The following WTAP variants were observed in gnomAD, a reference collection of about 807,000 sequenced individuals.
WTAP encodes WT1 associated protein, also known as pre-mRNA-splicing regulator WTAP.
WTAP carries 8 observed loss-of-function variants against 50.0 expected under a neutral mutation model. The observed-to-expected ratio is 0.16, with a 90% CI of 0.09 to 0.29. The LOEUF (loss-of-function observed/expected upper bound fraction) is 0.29. Ranked by LOEUF, WTAP falls within the 10% of genes least tolerant of loss-of-function variation. The pLI, the probability that WTAP is intolerant of heterozygous loss-of-function variation, is 1.00. For synonymous variants in WTAP, 194 were observed against 169.0 expected (o/e 1.15, Z -1.15); for missense variants, 295 against 470.7 (o/e 0.63, Z 3.45).
intron 6 of WTAP, among the ~76,000 whole-genome samples, chr6:159,752,351 CTTTT>C (rs934419970): frequency 6.6e-5 from 10 of 151,638 alleles, no homozygotes; most frequent in Admixed American, 5.3e-4. Flanking sequence ...GTGATCATTT[CTTTT>C]TTTTTCTTTT....
chr6:159,734,603 G>A (rs1304428943), intron 1 of WTAP, among the ~76,000 whole-genome samples: 2 of 152,128 alleles, frequency 1.3e-5, no homozygotes, highest in Non-Finnish European at 2.9e-5. Flanking sequence ...TTGAGCCCAA[G>A]AGTTCAAGAC....
chr6:159,754,213 C>A (rs1779922676), intron 7 of WTAP, among the ~76,000 whole-genome samples: 1 of 152,162 alleles, frequency 6.6e-6, no homozygotes, highest in Non-Finnish European at 1.5e-5. Context: ...TGGTTAATTG[C>A]AAAGATGATC....
chr6:159,743,604 G>T, intron 4 of WTAP, 61 bp from the exon 5 acceptor site: 1 of 1,486,156 alleles, frequency 6.7e-7, no homozygotes, highest in Non-Finnish European at 9.1e-7. Flanking sequence ...TATTGTTCTT[G>T]ACAGAGGTAT....
Position 159,748,849 on chromosome 6 carries a change from A to G in WTAP, c.452+480A>G. On this transcript the variant is annotated intron_variant, in intron 6 of 7. Coordinates refer to ENST00000621533, the MANE Select transcript of WTAP (RefSeq NM_001270531.2). The surrounding 1 kb of genome is among the most constrained non-coding windows in gnomAD (Gnocchi z 5.6). The stretch of plus-strand genomic sequence containing the variant: ...ATCGCTCTTAACCTTGAGCATAGTG[A>G]CTTAGAGACACTGTGTATCAGTTTT... 8.2e-7 allele frequency: 1 copy of G among 1,216,358 alleles called. No homozygotes were observed. Among genetic ancestry groups the G allele is most frequent in the Non-Finnish European group, 1.0e-6 (1 of 978,392 alleles). The allele number at this position is 1,216,358 out of a possible 1,614,324, so 75.3% of individuals were successfully genotyped here.
At chr6:159,727,333 T>G (rs1353718000), upstream of WTAP, 4 of 1,240,652 alleles carry the variant, frequency 3.2e-6, no homozygotes, top group Non-Finnish European at 3.1e-6. Flanking sequence ...GCGACTCTCC[T>G]GTGAGTGGGC....
chr6:159,727,675 T>C lies in WTAP; in HGVS notation c.-37T>C. 6 of 984,198 alleles carry C rather than the reference T, an allele frequency of 6.1e-6. No homozygotes were observed. Among genetic ancestry groups the C allele is most frequent in the Non-Finnish European group, 7.2e-6 (6 of 829,796 alleles). 61.0% of individuals were successfully genotyped at this position (984,198 alleles called of 1,614,324 possible). A position where few individuals can be genotyped will look rare whatever the true frequency, so the allele number is the denominator to read the frequency against. On this transcript the variant is annotated 5_prime_UTR_variant, in exon 1 of 8. Coordinates refer to ENST00000621533, the MANE Select transcript of WTAP (RefSeq NM_001270531.2). ...GCGCGGCCTCGGCCTATGCGACCGG[T>C]GGCGCCGGCGCGGCTTCTGCCTGGA...
chr6:159,727,019 C>G, upstream of WTAP: 2 of 1,240,242 alleles, frequency 1.6e-6, no homozygotes, highest in African/African-American at 1.6e-5. Context: ...CGAGGCAGCC[C>G]CGCAGCCGCA....
intron 1 of WTAP, 107 bp from the exon 2 acceptor site, chr6:159,736,151 G>A: frequency 9.3e-7 from 1 of 1,077,252 alleles, no homozygotes; most frequent in Non-Finnish European, 1.4e-6. Flanking sequence ...TTATTCAACA[G>A]TAATTTAGTT....
intron 5 of WTAP, among the ~76,000 whole-genome samples, chr6:159,746,562 A>T (rs765507789): frequency 1.3e-5 from 2 of 152,208 alleles, no homozygotes; most frequent in African/African-American, 4.8e-5. Flanking sequence ...GTCTACATGC[A>T]GTCTTTGCCA....
At chr6:159,742,659 T>G (rs1583089047) in intron 4 of WTAP, among the ~76,000 whole-genome samples, 3 of 152,216 alleles carry the variant, frequency 2.0e-5, no homozygotes, top group African/African-American at 7.2e-5. Context: ...TACTATTTGT[T>G]GAGTATAAAA....
At position 159,748,836 on chromosome 6, in the gene WTAP, C is replaced by G; in HGVS notation, c.452+467C>G. On this transcript the variant is annotated intron_variant, in intron 6 of 7. Coordinates refer to ENST00000621533, the MANE Select transcript of WTAP (RefSeq NM_001270531.2). This position sits in a 1 kb window ranked among gnomAD's most constrained non-coding sequence, Gnocchi z 5.6. The stretch of plus-strand genomic sequence containing the variant: ...AAACGGAATATGCATCGCTCTTAAC[C>G]TTGAGCATAGTGACTTAGAGACACT... The G allele has an allele frequency of 1.6e-6, 2 of 1,223,382 alleles. No homozygotes were observed. The highest frequency in any genetic ancestry group is 1.6e-5 in the African/African-American group (1 of 64,224). 75.8% of individuals were successfully genotyped at this position (1,223,382 alleles called of 1,614,324 possible).
chr6:159,726,929 G>A (rs758286482), upstream of WTAP: 11 of 1,288,624 alleles, frequency 8.5e-6, no homozygotes, highest in South Asian at 3.7e-5. Context: ...CTGGTCCTCC[G>A]ACACGCGGAA....
At chr6:159,732,770 G>A (rs1355468849) in intron 1 of WTAP, among the ~76,000 whole-genome samples, 4 of 152,120 alleles carry the variant, frequency 2.6e-5, no homozygotes, top group African/African-American at 4.8e-5. Flanking sequence ...GTTGCAGTGA[G>A]CCGAGATCGC....
At chr6:159,746,922 T>C (rs974679884) in intron 5 of WTAP, among the ~76,000 whole-genome samples, 1 of 152,218 alleles carries the variant, frequency 6.6e-6, no homozygotes, top group African/African-American at 2.4e-5. Flanking sequence ...CAGTCAGTGC[T>C]GTAGACTGTT....
intron 1 of WTAP, among the ~76,000 whole-genome samples, chr6:159,734,442 T>G (rs1266042627): frequency 9.9e-5 from 15 of 152,030 alleles, no homozygotes; most frequent in Non-Finnish European, 1.9e-4. Context: ...AGTTTAGAAT[T>G]TATAATAAGT....
At chr6:159,726,770 A>G, upstream of WTAP, 1 of 1,288,880 alleles carries the variant, frequency 7.8e-7, no homozygotes, top group South Asian at 1.2e-5. Context: ...GATGTCAAGG[A>G]GGAACGAACC....
intron 3 of WTAP, chr6:159,741,748 G>A (rs1779268454): frequency 5.4e-6 from 1 of 185,310 alleles, no homozygotes; most frequent in Admixed American, 6.1e-5. Flanking sequence ...AGCAGTTTGG[G>A]AGGCCAGGGT....
chr6:159,727,169 G>A, upstream of WTAP: 2 of 1,201,626 alleles, frequency 1.7e-6, no homozygotes, highest in Non-Finnish European at 2.1e-6. Context: ...CTCGCGCCAG[G>A]CTCCTGGGAA....
chr6:159,726,695 C>A, upstream of WTAP: 1 of 1,153,780 alleles, frequency 8.7e-7, no homozygotes, highest in South Asian at 1.4e-5. Context: ...AAGGGGCCCT[C>A]AACGCCGCGG....
Sources: allele counts gnomAD v4.1 joint callset (sites outside exome capture counted in the v4.1 genomes callset), GRCh38; gene constraint gnomAD v4.1.1; non-coding constraint Gnocchi (gnomAD v3.1); transcripts MANE v1.5; gene names NCBI Gene and HGNC (gene_info 2026-07-23, HGNC 2026-07-21).